Variants in FSTL5 observed in about 807,000 individuals in gnomAD.
The protein encoded by FSTL5 is follistatin like 5.
A neutral mutation model predicts 89.1 loss-of-function variants in FSTL5; 62 were observed. The ratio of observed to expected loss-of-function variants is 0.70; its 90% CI spans 0.57 to 0.86. FSTL5 has a LOEUF of 0.86. FSTL5 is among the 40% of genes least tolerant of loss of function. The probability of loss-of-function intolerance (pLI) is 0.00; values close to 1 mark genes in which losing one functional copy is unlikely to be tolerated. For missense variants in FSTL5, 1,057 were observed against 1,001.6 expected, an observed-to-expected ratio of 1.06 and a Z score of -0.75; for synonymous variants, 383 against 346.2, an observed-to-expected ratio of 1.11 and a Z score of -1.18.
At chr4:162,160,925 A>G (rs1733670590) in intron 1 of FSTL5, among the ~76,000 whole-genome samples, 1 of 151,852 alleles carries the variant, frequency 6.6e-6, no homozygotes, top group African/African-American at 2.4e-5. Flanking sequence ...ATAAACAGGA[A>G]TGCATTTTAT....
At chr4:161,640,471 A>C (rs1027520501) in intron 7 of FSTL5, among the ~76,000 whole-genome samples, 1 of 152,210 alleles carries the variant, frequency 6.6e-6, no homozygotes. Context: ...TAGGAAACCT[A>C]AATAGAAACC....
intron 3 of FSTL5, among the ~76,000 whole-genome samples, chr4:161,952,578 T>C (rs1367877890): frequency 6.6e-6 from 1 of 151,974 alleles, no homozygotes; most frequent in African/African-American, 2.4e-5. Context: ...TTTGGATTCA[T>C]AAAATTGTTA....
intron 3 of FSTL5, among the ~76,000 whole-genome samples, chr4:162,028,675 C>T (rs17459630): frequency 0.097 from 14,710 of 152,154 alleles, 838 homozygotes; most frequent in Non-Finnish European, 0.13. Flanking sequence ...TCAGGTATTA[C>T]TTATGCTACT....
At chr4:162,049,357 A>G (rs1363676689) in intron 2 of FSTL5, among the ~76,000 whole-genome samples, 2 of 152,196 alleles carry the variant, frequency 1.3e-5, no homozygotes, top group African/African-American at 4.8e-5. Flanking sequence ...ATTTTAGTGT[A>G]ACCCAAATCC....
intron 7 of FSTL5, among the ~76,000 whole-genome samples, chr4:161,635,713 T>G (rs562182570): frequency 6.6e-6 from 1 of 152,180 alleles, no homozygotes; most frequent in African/African-American, 2.4e-5. Context: ...TACTGATTCA[T>G]TACGTCTAGA....
intron 6 of FSTL5, among the ~76,000 whole-genome samples, chr4:161,751,809 T>C (rs929646858): frequency 2.6e-5 from 4 of 151,692 alleles, no homozygotes; most frequent in African/African-American, 9.7e-5. Context: ...AGGATGATCA[T>C]ACAAACTAAA....
At chr4:162,081,818 T>TCTCA (rs1300106043) in intron 2 of FSTL5, among the ~76,000 whole-genome samples, 1 of 133,370 alleles carries the variant, frequency 7.5e-6, no homozygotes, top group African/African-American at 2.7e-5. Context: ...TCTCTCTCTC[T>TCTCA]CACACACACA....
At chr4:161,999,464 A>G (rs1736399414) in intron 3 of FSTL5, among the ~76,000 whole-genome samples, 1 of 152,202 alleles carries the variant, frequency 6.6e-6, no homozygotes, top group Non-Finnish European at 1.5e-5. Context: ...TATTGATAAG[A>G]AAAATTCATA....
At chr4:161,945,359 G>A (rs1734706385) in intron 3 of FSTL5, among the ~76,000 whole-genome samples, 2 of 152,066 alleles carry the variant, frequency 1.3e-5, no homozygotes, top group Non-Finnish European at 1.5e-5. Context: ...AGGGATTGAC[G>A]GCACATAAGG....
chr4:162,092,346 GAA>G (rs1730581743), intron 2 of FSTL5, among the ~76,000 whole-genome samples: 1 of 152,020 alleles, frequency 6.6e-6, no homozygotes, highest in Admixed American at 6.6e-5. Context: ...TCATTAAAAA[GAA>G]ACAAGTTTGA....
chr4:161,677,279 G>C (rs77840997), intron 6 of FSTL5, among the ~76,000 whole-genome samples: 1,774 of 151,990 alleles, frequency 0.012, 29 homozygotes, highest in African/African-American at 0.04. Context: ...GAGCCCGAGA[G>C]AGAGAGAGGG....
intron 3 of FSTL5, among the ~76,000 whole-genome samples, chr4:162,032,251 C>T (rs1206560709): frequency 6.6e-6 from 1 of 151,954 alleles, no homozygotes. Flanking sequence ...AAACCTGAAA[C>T]CCTGGAACCC....
At chr4:162,124,770 G>T (rs1579047320) in intron 1 of FSTL5, among the ~76,000 whole-genome samples, 1 of 152,142 alleles carries the variant, frequency 6.6e-6, no homozygotes, top group Admixed American at 6.5e-5. Context: ...TGCGATCTCA[G>T]CTCACTGCAA....
At chr4:162,103,619 A>T (rs1731088972) in intron 2 of FSTL5, among the ~76,000 whole-genome samples, 1 of 152,204 alleles carries the variant, frequency 6.6e-6, no homozygotes, top group Non-Finnish European at 1.5e-5. Context: ...TCTCTGAAGC[A>T]AAAGGCTAGT....
At chr4:161,469,640 A>ATT (rs34810071) in intron 13 of FSTL5, among the ~76,000 whole-genome samples, 1 of 136,046 alleles carries the variant, frequency 7.4e-6, no homozygotes, top group Non-Finnish European at 1.6e-5. Context: ...TTATTTATCT[A>ATT]TTTTTTTTTT....
chr4:161,824,030 A>G (rs142582526), intron 4 of FSTL5, among the ~76,000 whole-genome samples: 138 of 152,086 alleles, frequency 9.1e-4, no homozygotes, highest in African/African-American at 3.3e-3. Flanking sequence ...AGTCCCATCT[A>G]TTTATCTTTG....
intron 15 of FSTL5, among the ~76,000 whole-genome samples, chr4:161,392,772 G>A (rs1730864039): frequency 6.6e-6 from 1 of 152,086 alleles, no homozygotes; most frequent in Non-Finnish European, 1.5e-5. Flanking sequence ...TTGATAAATG[G>A]GTCAGAGGTG....
chr4:162,097,267 C>G (rs1390095965), intron 2 of FSTL5, among the ~76,000 whole-genome samples: 3 of 146,688 alleles, frequency 2.0e-5, no homozygotes, highest in Non-Finnish European at 4.6e-5. Flanking sequence ...AGAGGAATTT[C>G]CATTTTTTTT....
At chr4:161,658,862 G>T (rs1320815874) in intron 6 of FSTL5, among the ~76,000 whole-genome samples, 1 of 152,114 alleles carries the variant, frequency 6.6e-6, no homozygotes, top group African/African-American at 2.4e-5. Flanking sequence ...GGGACATCTG[G>T]TTCTAAAAAC....
Sources: allele counts gnomAD v4.1 joint callset (sites outside exome capture counted in the v4.1 genomes callset), GRCh38; gene constraint gnomAD v4.1.1; transcripts MANE v1.5; gene names NCBI Gene and HGNC (gene_info 2026-07-23, HGNC 2026-07-21).